The following CCDC125 variants were observed in gnomAD, a reference collection of about 807,000 sequenced individuals.
The protein encoded by CCDC125 is coiled-coil domain-containing protein 125.
In CCDC125, 43 loss-of-function variants were observed where a neutral mutation model predicts 57.4. That is an observed-to-expected ratio of 0.75 (90% CI 0.59 to 0.97). CCDC125 has a LOEUF of 0.97. CCDC125 is among the 50% of genes least tolerant of loss of function. The pLI is 0.00. For synonymous variants in CCDC125, 187 were observed against 195.2 expected, an observed-to-expected ratio of 0.96 and a Z score of 0.35; for missense variants, 563 against 595.7, an observed-to-expected ratio of 0.95 and a Z score of 0.57.
At chr5:69,297,828 T>C (rs1299571541) in intron 8 of CCDC125, among the ~76,000 whole-genome samples, 2 of 149,972 alleles carry the variant, frequency 1.3e-5, no homozygotes, top group Admixed American at 1.3e-4. Context: ...TAGCTGGGTA[T>C]GATAATGGTG....
In CCDC125 at chr5:69,299,976, G is replaced by T. The variant is rs758244690; in HGVS notation, c.816+36C>A. Reference sequence around the variant, plus strand: ...GGAGAAAGAAAGGAAAGTAGCAAATGTCCCTTCTGTTCAGCTTTCCTGCAT... The same window carrying T: ...GGAGAAAGAAAGGAAAGTAGCAAATTTCCCTTCTGTTCAGCTTTCCTGCAT... On this transcript the variant is annotated intron_variant, in intron 8 of 11. Transcript: ENST00000396496. The T allele has an allele frequency of 2.1e-5, 30 of 1,418,096 alleles. No homozygotes were observed. The Middle Eastern group carries it at 8.8e-4, about 42-fold the overall frequency. The allele number at this position is 1,418,096 out of a possible 1,614,324, so 87.8% of individuals were successfully genotyped here.
intron 5 of CCDC125, among the ~76,000 whole-genome samples, 161 bp from the exon 6 acceptor site, chr5:69,307,063 A>T (rs1347670303): frequency 6.6e-6 from 1 of 152,236 alleles, no homozygotes; most frequent in African/African-American, 2.4e-5. Context: ...TTGCAAACAC[A>T]TATAACATGC....
chr5:69,330,508 C>T (rs894809905), intron 1 of CCDC125, among the ~76,000 whole-genome samples: 2 of 151,902 alleles, frequency 1.3e-5, no homozygotes, highest in African/African-American at 4.8e-5. Flanking sequence ...GCAGGAGAAT[C>T]GCTTGAACCC....
intron 8 of CCDC125, among the ~76,000 whole-genome samples, chr5:69,297,088 C>T (rs958791805): frequency 4.6e-5 from 7 of 152,304 alleles, no homozygotes; most frequent in East Asian, 1.9e-4. Context: ...ATTTTTGAGA[C>T]GGAGTCTCGC....
downstream of CCDC125, among the ~76,000 whole-genome samples, chr5:69,275,925 T>C (rs1561381922): frequency 6.6e-6 from 1 of 152,206 alleles, no homozygotes; most frequent in African/African-American, 2.4e-5. Flanking sequence ...TATGCAAATA[T>C]TCCACAGTCC....
chr5:69,312,136 C>T (rs1023299408), intron 3 of CCDC125, among the ~76,000 whole-genome samples: 2 of 152,074 alleles, frequency 1.3e-5, no homozygotes, highest in African/African-American at 4.8e-5. Context: ...GACTAGTGTC[C>T]TTATAAATTG....
At chr5:69,273,579 CAAA>C in the CCDC125 span, among the ~76,000 whole-genome samples, 1 of 152,040 alleles carries the variant, frequency 6.6e-6, no homozygotes, top group South Asian at 2.1e-4. Flanking sequence ...TGAAATAAAA[CAAA>C]AACTGAAACT....
At chr5:69,285,051 C>T (rs982796808) in intron 11 of CCDC125, among the ~76,000 whole-genome samples, 3 of 151,928 alleles carry the variant, frequency 2.0e-5, no homozygotes, top group Admixed American at 1.3e-4. Flanking sequence ...GAGCCGAGAT[C>T]GCGCCGCTGC....
At chr5:69,302,072 G>C (rs1166809728) in intron 7 of CCDC125, among the ~76,000 whole-genome samples, 1 of 151,560 alleles carries the variant, frequency 6.6e-6, no homozygotes, top group Non-Finnish European at 1.5e-5. Context: ...AACAGAGCAA[G>C]ACCCTGTGTG....
rs745374773 is a variant in CCDC125, at chr5:69,281,660, T to G, written c.*1069A>C. 1 of 152,166 alleles carries G rather than the reference T, an allele frequency of 6.6e-6. No individual in the cohort carries two copies. The highest frequency in any genetic ancestry group is 1.5e-5 in the Non-Finnish European group (1 of 68,030). The allele number at this position is 152,166 out of a possible 1,614,324, so 9.4% of individuals were successfully genotyped here. A position where few individuals can be genotyped will look rare whatever the true frequency, so the allele number is the denominator to read the frequency against. ...GAAATTGTTATTTCTAAACTTCATA[T>G]GGTAAATGAAAAATACTGAACAAGG... On this transcript the variant is annotated 3_prime_UTR_variant, in exon 12 of 12. Transcript: ENST00000396496.
At chr5:69,292,705 A>C (rs183062044) in intron 9 of CCDC125, among the ~76,000 whole-genome samples, 5 of 152,168 alleles carry the variant, frequency 3.3e-5, no homozygotes, top group Non-Finnish European at 5.9e-5. Flanking sequence ...CTGCATTTCA[A>C]CTCAGCTTTG....
intron 1 of CCDC125, among the ~76,000 whole-genome samples, chr5:69,324,800 G>A (rs997401044): frequency 8.5e-5 from 13 of 152,152 alleles, no homozygotes; most frequent in African/African-American, 2.9e-4. Flanking sequence ...ATCACTTGAG[G>A]CCAGGAGTTC....
chr5:69,294,068 G>A (rs1445241364), intron 9 of CCDC125: 1 of 810,498 alleles, frequency 1.2e-6, no homozygotes, highest in East Asian at 1.2e-4. Context: ...TGCAAACCTA[G>A]GTCTGGCTGG....
In CCDC125 at chr5:69,322,617, C is replaced by T. The variant is rs190127587; in HGVS notation, c.-40-2037G>A. ...TTGCTCTGTCGCCCAGGCTGGAGTGCCGTGGCGCAATCTCAGCTCACAGCA... is the reference window on the plus strand; with the variant it reads ...TTGCTCTGTCGCCCAGGCTGGAGTGTCGTGGCGCAATCTCAGCTCACAGCA... On this transcript the variant is annotated intron_variant, in intron 1 of 11. Transcript: ENST00000396496. Among the ~76,000 whole-genome samples the T allele has an allele frequency of 1.3e-4, 19 of 151,772 alleles. No individual in the cohort carries two copies. The East Asian group carries it at 3.6e-3, about 29-fold the overall frequency.
chr5:69,282,925 G>C lies in CCDC125; in HGVS notation c.1340C>G (p.Pro447Arg), dbSNP rs1468295387. 6.2e-7 allele frequency: 1 copy of C among 1,613,992 alleles called. No homozygotes were observed. The highest frequency in any genetic ancestry group is 8.5e-7 in the Non-Finnish European group (1 of 1,180,000). Residue 447 changes from proline to arginine, a missense_variant, in exon 12 of 12, where the codon CCT (proline) becomes CGT (arginine). Physicochemically the swap from Pro to Arg is moderately radical, Grantham distance 103 (BLOSUM62 -2). Transcript: ENST00000396496. ...GTTGAAAGGGAAATTCTCTTTTATA[G>C]GATTTTTTTCTTTATTCTCGTTTGA... ...TASNENKEKN[P>R]IKENFPFNNP...
At chr5:69,328,262 T>G (rs1760976741) in intron 1 of CCDC125, among the ~76,000 whole-genome samples, 1 of 152,154 alleles carries the variant, frequency 6.6e-6, no homozygotes, top group African/African-American at 2.4e-5. Flanking sequence ...TTCAATGCAT[T>G]CAGCAATTTA....
At chr5:69,311,952 C>G (rs140336349) in intron 3 of CCDC125, among the ~76,000 whole-genome samples, 16,944 of 152,196 alleles carry the variant, frequency 0.11, 1,167 homozygotes, top group African/African-American at 0.19. Flanking sequence ...CCAGGCTGGT[C>G]TCGAACTCCT....
chr5:69,289,007 T>C (rs1389857574), intron 10 of CCDC125, among the ~76,000 whole-genome samples: 1 of 152,188 alleles, frequency 6.6e-6, no homozygotes, highest in African/African-American at 2.4e-5. Context: ...TATTCTCAAG[T>C]GCTGAAATGA....
chr5:69,293,380 A>T (rs1464905424), intron 9 of CCDC125, among the ~76,000 whole-genome samples: 1 of 152,058 alleles, frequency 6.6e-6, no homozygotes, highest in East Asian at 1.9e-4. Flanking sequence ...GGCTGGGCTC[A>T]GTGGCTCACG....
Sources: gnomAD v4.1 joint callset for allele counts (sites outside exome capture counted in the v4.1 genomes callset) on GRCh38, gnomAD v4.1.1 for gene constraint, MANE v1.5 for transcripts, NCBI Gene and HGNC (gene_info 2026-07-23, HGNC 2026-07-21) for gene names.